The following ARHGEF10L variants were observed in gnomAD, a reference collection of about 807,000 sequenced individuals.
The protein encoded by ARHGEF10L is rho guanine nucleotide exchange factor 10-like protein.
Under a neutral mutation model 141.2 loss-of-function variants are expected in ARHGEF10L, and 69 were observed. The ratio of observed to expected loss-of-function variants is 0.49; its 90% CI spans 0.40 to 0.60. The LOEUF is 0.60. Among genes scored for constraint, ARHGEF10L ranks in the 20% least tolerant of loss-of-function variants. The pLI, the probability that ARHGEF10L is intolerant of heterozygous loss-of-function variation, is 0.00. For synonymous variants in ARHGEF10L, 711 were observed against 718.5 expected, an observed-to-expected ratio of 0.99 and a Z score of 0.17; for missense variants, 1,482 against 1,734.3, an observed-to-expected ratio of 0.85 and a Z score of 2.58.
intron 1 of ARHGEF10L, among the ~76,000 whole-genome samples, chr1:17,550,737 C>A (rs977046168): frequency 2.6e-5 from 4 of 151,710 alleles, no homozygotes; most frequent in African/African-American, 9.7e-5. Context: ...GCATCCTTAA[C>A]ATATAAAGGG....
intron 1 of ARHGEF10L, among the ~76,000 whole-genome samples, chr1:17,540,556 G>GC (rs953906906): frequency 4.6e-5 from 7 of 152,166 alleles, no homozygotes; most frequent in African/African-American, 1.7e-4. Context: ...ATGAAGACCA[G>GC]CCCCCCTGGA....
At chr1:17,645,254 C>T (rs77155108) in intron 21 of ARHGEF10L, among the ~76,000 whole-genome samples, 3,509 of 152,216 alleles carry the variant, frequency 0.023, 149 homozygotes, top group African/African-American at 0.08. Context: ...ATTTGGTCTC[C>T]GCCACTCTGG....
chr1:17,557,423 G>T (rs2077375862), intron 1 of ARHGEF10L, among the ~76,000 whole-genome samples: 1 of 152,172 alleles, frequency 6.6e-6, no homozygotes. Context: ...GTTGGTGACG[G>T]GCTCTGTGTT....
the ARHGEF10L span, among the ~76,000 whole-genome samples, chr1:17,531,301 A>C: frequency 1.3e-5 from 2 of 152,104 alleles, no homozygotes; most frequent in East Asian, 3.9e-4. Context: ...CTCCCTTCCA[A>C]ACTGACCCAC....
chr1:17,549,886 G>C (rs150872119), intron 1 of ARHGEF10L, among the ~76,000 whole-genome samples: 1 of 152,334 alleles, frequency 6.6e-6, no homozygotes, highest in East Asian at 1.9e-4. Context: ...TGGGGTGATG[G>C]ATGGGTACAA....
At chr1:17,683,718 G>C (rs2064335895) in intron 26 of ARHGEF10L, among the ~76,000 whole-genome samples, 1 of 152,210 alleles carries the variant, frequency 6.6e-6, no homozygotes, top group African/African-American at 2.4e-5. Flanking sequence ...GGGCTCAGCA[G>C]GTTTGCACAA....
chr1:17,673,946 G>T lies in ARHGEF10L; in HGVS notation c.3009+9351G>T, dbSNP rs2063483780. On this transcript the variant is annotated intron_variant, in intron 26 of 28. Transcript: ENST00000361221. This position sits in a 1 kb window ranked among gnomAD's most constrained non-coding sequence, Gnocchi z 4.1. Reference sequence around the variant, plus strand: ...ACCACACACTCGTTGGTGGAGCCAGGATCTCAGGGTGCCTCTGATTCTGAA... The same window carrying T: ...ACCACACACTCGTTGGTGGAGCCAGTATCTCAGGGTGCCTCTGATTCTGAA... Among the ~76,000 whole-genome samples the T allele has an allele frequency of 6.6e-6, 1 of 152,068 alleles. No homozygotes were observed. Among genetic ancestry groups the T allele is most frequent in the Non-Finnish European group, 1.5e-5 (1 of 68,020 alleles).
chr1:17,593,105 G>A (rs1373593620), intron 4 of ARHGEF10L, among the ~76,000 whole-genome samples: 2 of 152,166 alleles, frequency 1.3e-5, no homozygotes, highest in African/African-American at 4.8e-5. Context: ...GGCACTTGCA[G>A]GGTACCTGGT....
At chr1:17,679,259 A>T (rs1406297500) in intron 26 of ARHGEF10L, among the ~76,000 whole-genome samples, 1 of 152,204 alleles carries the variant, frequency 6.6e-6, no homozygotes, top group Non-Finnish European at 1.5e-5. Flanking sequence ...CCTCCCTGAG[A>T]AATGCGTCAG....
At chr1:17,645,700 G>T (rs1018260123) in intron 21 of ARHGEF10L, among the ~76,000 whole-genome samples, 1 of 152,218 alleles carries the variant, frequency 6.6e-6, no homozygotes, top group Non-Finnish European at 1.5e-5. Flanking sequence ...GAGGCTAGGA[G>T]AGCCGTGCTG....
chr1:17,546,197 T>G (rs1196711384), intron 1 of ARHGEF10L, among the ~76,000 whole-genome samples: 6 of 152,158 alleles, frequency 3.9e-5, no homozygotes, highest in Non-Finnish European at 8.8e-5. Flanking sequence ...CCCTGAAGCT[T>G]GCTGGTCTTC....
chr1:17,560,586 A>G (rs1008094096), intron 1 of ARHGEF10L, among the ~76,000 whole-genome samples: 6 of 152,080 alleles, frequency 3.9e-5, no homozygotes, highest in Non-Finnish European at 7.4e-5. Context: ...TTTTTTTGAG[A>G]CGGAGTTTCA....
rs921056881 is a variant in ARHGEF10L, at chr1:17,572,261, C to T, written c.-43-8292C>T. On this transcript the variant is annotated intron_variant, in intron 1 of 28. Coordinates refer to ENST00000361221, the MANE Select transcript of ARHGEF10L (RefSeq NM_018125.4). Reference sequence around the variant, plus strand: ...TTGTACTGGGTCCATTTTGGGAGCCCGGGACGCCCTCCTCAGCCCCCTGCT... The same window carrying T: ...TTGTACTGGGTCCATTTTGGGAGCCTGGGACGCCCTCCTCAGCCCCCTGCT... Among the ~76,000 whole-genome samples the T allele has an allele frequency of 6.6e-5, 10 of 152,268 alleles. No homozygotes were observed. The East Asian group carries it at 1.4e-3, about 21-fold the overall frequency.
chr1:17,546,465 C>T (rs1484090279), intron 1 of ARHGEF10L, among the ~76,000 whole-genome samples: 4 of 152,132 alleles, frequency 2.6e-5, no homozygotes, highest in Non-Finnish European at 4.4e-5. Context: ...CCTGCAAGTA[C>T]GTCCTATTTT....
intron 26 of ARHGEF10L, among the ~76,000 whole-genome samples, chr1:17,679,556 C>T (rs1361759874): frequency 6.6e-6 from 1 of 152,208 alleles, no homozygotes; most frequent in Non-Finnish European, 1.5e-5. Flanking sequence ...CTCCCATGTC[C>T]TAAGCAGCGC....
intron 1 of ARHGEF10L, among the ~76,000 whole-genome samples, chr1:17,568,735 A>G (rs1398547288): frequency 1.3e-5 from 2 of 152,244 alleles, no homozygotes; most frequent in African/African-American, 4.8e-5. Flanking sequence ...AGGGTTGGTC[A>G]GCAGCAGTTC....
At chr1:17,641,878 G>A (rs180859464) in intron 21 of ARHGEF10L, among the ~76,000 whole-genome samples, 1 of 151,970 alleles carries the variant, frequency 6.6e-6, no homozygotes, top group African/African-American at 2.4e-5. Context: ...CTACTCGAGA[G>A]GTTGAGGCAG....
intron 26 of ARHGEF10L, among the ~76,000 whole-genome samples, chr1:17,680,815 A>C (rs1571514935): frequency 1.5e-5 from 2 of 130,402 alleles, no homozygotes; most frequent in South Asian, 2.3e-4. Context: ...ACGGAGTTTC[A>C]CTCTGTTGCT....
chr1:17,517,059 G>A, the ARHGEF10L span, among the ~76,000 whole-genome samples: 2 of 152,186 alleles, frequency 1.3e-5, no homozygotes, highest in Non-Finnish European at 2.9e-5. Flanking sequence ...CAGCCTCCCA[G>A]GAGGGAACCC....
Sources: allele counts gnomAD v4.1 joint callset (sites outside exome capture counted in the v4.1 genomes callset), GRCh38; gene constraint gnomAD v4.1.1; non-coding constraint Gnocchi (gnomAD v3.1); transcripts MANE v1.5; gene names NCBI Gene and HGNC (gene_info 2026-07-23, HGNC 2026-07-21).